The following USP1 variants were observed in gnomAD, a reference collection of about 807,000 sequenced individuals.
The protein encoded by USP1 is ubiquitin specific peptidase 1.
In USP1, 18 loss-of-function variants were observed where a neutral mutation model predicts 72.2. The observed-to-expected ratio is 0.25, with a 90% CI of 0.17 to 0.37. The LOEUF (loss-of-function observed/expected upper bound fraction) is 0.37. USP1 is among the 10% of genes least tolerant of loss of function. The pLI is 1.00. For synonymous variants in USP1, 354 were observed against 303.7 expected (o/e 1.17, Z -1.72); for missense variants, 759 against 884.9 (o/e 0.86, Z 1.81).
chr1:62,441,267 G>A (rs1323609910), intron 2 of USP1, among the ~76,000 whole-genome samples: 7 of 152,166 alleles, frequency 4.6e-5, no homozygotes, highest in African/African-American at 1.7e-4. Context: ...GAATTGTTCT[G>A]TGGCTTGTTA....
At chr1:62,443,675 A>T (rs1459372844) in intron 5 of USP1, among the ~76,000 whole-genome samples, 1 of 152,196 alleles carries the variant, frequency 6.6e-6, no homozygotes, top group African/African-American at 2.4e-5. Flanking sequence ...TGAATCTGAA[A>T]ATGTCTGAAT....
chr1:62,448,554 T>C lies in USP1; in HGVS notation c.1510T>C (p.Tyr504His). The change falls in exon 8 of 9, where the codon TAT (tyrosine) becomes CAT (histidine). Residue 504 changes from tyrosine (Y) to histidine (H), a missense_variant. This residue lies in a region of USP1 where 140 missense variants were observed against 222.8 expected (regional missense o/e 0.63). Transcript: ENST00000339950. The stretch of plus-strand genomic sequence containing the variant: ...AGAAAGGATTGTAGGAGAAGATAAA[T>C]ATTTCTGTGAAAACTGCCATCATTA... ...SVERIVGEDK[Y>H]FCENCHHYTE... The C allele has an allele frequency of 6.2e-7, 1 of 1,613,954 alleles. No individual in the cohort carries two copies. The highest frequency in any genetic ancestry group is 8.5e-7 in the Non-Finnish European group (1 of 1,179,926).
In USP1 at chr1:62,444,814, C is replaced by G. The variant is rs1430964534; in HGVS notation, c.634C>G (p.Gln212Glu). The change falls in exon 6 of 9, where the codon CAA becomes GAA. Residue 212 changes from glutamine to glutamate, a missense_variant. This residue lies in a region of USP1 where 245 missense variants were observed against 240.7 expected (regional missense o/e 1.02). Coordinates refer to ENST00000339950, the MANE Select transcript of USP1 (RefSeq NM_003368.5). ...ATTACAATGTATTTTGGGAAACATT[C>G]AAGAAACATGCCAACTCCTAAAAAA... is the stretch of plus-strand genomic sequence containing the variant. Reference protein sequence around the residue: ...EVLQCILGNIQETCQLLKKEE... With the variant: ...EVLQCILGNIEETCQLLKKEE... 6.2e-7 allele frequency: 1 copy of G among 1,613,166 alleles called. No individual in the cohort carries two copies. The highest frequency in any genetic ancestry group is 8.5e-7 in the Non-Finnish European group (1 of 1,179,684).
chr1:62,438,548 T>A (rs1645108728), intron 1 of USP1, among the ~76,000 whole-genome samples: 2 of 152,212 alleles, frequency 1.3e-5, no homozygotes, highest in African/African-American at 4.8e-5. Flanking sequence ...TCTTGTGTAG[T>A]TCATTTTATT....
At position 62,450,334 on chromosome 1, in the gene USP1, C is replaced by T. The variant is rs1179099518; in HGVS notation, c.1711C>T (p.Pro571Ser). 4 of 1,613,964 alleles carry T rather than the reference C, an allele frequency of 2.5e-6. No individual in the cohort carries two copies. Among genetic ancestry groups the T allele is most frequent in the Non-Finnish European group, 3.4e-6 (4 of 1,180,030 alleles). Reference protein sequence around the residue: ...KLSLEEWSTKPTNDSYGLFAV... With the variant: ...KLSLEEWSTKSTNDSYGLFAV... ...GTCACTAGAAGAATGGAGCACAAAGCCAACTAACGACAGCTATGGATTATT... is the reference window on the plus strand; with the variant it reads ...GTCACTAGAAGAATGGAGCACAAAGTCAACTAACGACAGCTATGGATTATT... The change falls in exon 9 of 9, where the codon CCA becomes TCA. Residue 571 changes from proline to serine, a missense_variant. This residue lies in a region of USP1 where 140 missense variants were observed against 222.8 expected (regional missense o/e 0.63). Transcript: ENST00000339950.
At chr1:62,448,322 G>C (rs1439826852) in intron 7 of USP1, 143 bp from the exon 8 acceptor site, 1 of 785,068 alleles carries the variant, frequency 1.3e-6, no homozygotes, top group East Asian at 2.7e-5. Context: ...TATGAAAGTA[G>C]TTTCTGAAAG....
chr1:62,443,640 T>C lies in USP1; in HGVS notation c.557+321T>C, dbSNP rs183843017. On this transcript the variant is annotated intron_variant, in intron 5 of 8. Coordinates refer to ENST00000339950, the MANE Select transcript of USP1 (RefSeq NM_003368.5). The stretch of plus-strand genomic sequence containing the variant: ...TCCCATATCAAGTCGGTGATAAATA[T>C]TTTACTTATATGCCATATAATCATT... Among the ~76,000 whole-genome samples, 19 of 152,342 alleles carry C rather than the reference T, an allele frequency of 1.2e-4. No individual in the cohort carries two copies. The East Asian group carries it at 2.5e-3, about 20-fold the overall frequency.
intron 1 of USP1, among the ~76,000 whole-genome samples, chr1:62,438,874 A>G (rs1160712076): frequency 1.3e-5 from 2 of 152,202 alleles, no homozygotes; most frequent in African/African-American, 2.4e-5. Flanking sequence ...TAAGAATTGG[A>G]TTTACACAAA....
chr1:62,449,927 G>GT (rs1645202062), intron 8 of USP1, among the ~76,000 whole-genome samples: 1 of 150,044 alleles, frequency 6.7e-6, no homozygotes, highest in East Asian at 1.9e-4. Context: ...AACCCAAAAC[G>GT]TAACATTTTT....
chr1:62,449,398 G>GT (rs1024502741), intron 8 of USP1, among the ~76,000 whole-genome samples: 5 of 152,056 alleles, frequency 3.3e-5, no homozygotes, highest in African/African-American at 1.2e-4. Context: ...TGGATAGTCT[G>GT]TTTTTTTCTG....
chr1:62,448,227 T>C (rs542648147), intron 7 of USP1, among the ~76,000 whole-genome samples: 1 of 152,358 alleles, frequency 6.6e-6, no homozygotes, highest in South Asian at 2.1e-4. Flanking sequence ...GTAAACAGAC[T>C]AGGCTTATTT....
At chr1:62,442,105 A>G (rs1241612385) in intron 3 of USP1, 90 bp from the exon 4 acceptor site, 1 of 901,594 alleles carries the variant, frequency 1.1e-6, no homozygotes, top group African/African-American at 1.7e-5. Context: ...TACATGTTAA[A>G]AGTGCTCTAT....
At position 62,450,397 on chromosome 1, in the gene USP1, G is replaced by A; in HGVS notation, c.1774G>A (p.Gly592Arg). Residue 592 changes from glycine to arginine, a missense_variant, in exon 9 of 9, where the codon GGG (glycine) becomes AGG (arginine). Around this residue, in one of 9 missense-constraint regions of USP1, gnomAD observed 140 missense variants for 222.8 expected, o/e 0.63. Transcript: ENST00000339950. ...GCATAGTGGCATTACAATTAGTAGT[G>A]GGCATTACACTGCTTCTGTTAAAGT... ...VMHSGITISS[G>R]HYTASVKVTD... is the part of the protein sequence containing the mutation. The A allele has an allele frequency of 6.2e-7, 1 of 1,614,048 alleles. No homozygotes were observed. Among genetic ancestry groups the A allele is most frequent in the Non-Finnish European group, 8.5e-7 (1 of 1,180,018 alleles).
At chr1:62,438,944 T>TA (rs1553144568) in intron 1 of USP1, among the ~76,000 whole-genome samples, 4 of 152,240 alleles carry the variant, frequency 2.6e-5, no homozygotes, top group Non-Finnish European at 5.9e-5. Context: ...ATCTTTCACT[T>TA]ACGGTTTTAG....
chr1:62,448,848 T>C (rs1005860631), intron 8 of USP1, among the ~76,000 whole-genome samples, 182 bp downstream of exon 8: 7 of 152,220 alleles, frequency 4.6e-5, no homozygotes, highest in African/African-American at 1.4e-4. Flanking sequence ...CTTAAATCCT[T>C]TTGATATGAA....
In USP1 at chr1:62,449,439, C is replaced by A. The variant is rs545799259; in HGVS notation, c.1622+773C>A. 3.3e-5 allele frequency among the ~76,000 whole-genome samples: 5 copies of A among 152,196 alleles called. No individual in the cohort carries two copies. The South Asian group carries it at 1.0e-3, about 32-fold the overall frequency. The stretch of plus-strand genomic sequence containing the variant: ...TGTAATGTCATTGTATGTGTGACTC[C>A]TTTGTACATTAGTTGCTTGTTTGAA... On this transcript the variant is annotated intron_variant, in intron 8 of 8. Coordinates refer to ENST00000339950, the MANE Select transcript of USP1 (RefSeq NM_003368.5).
intron 4 of USP1, 37 bp downstream of exon 4, chr1:62,442,336 CA>C: frequency 6.9e-7 from 1 of 1,447,778 alleles, no homozygotes; most frequent in South Asian, 1.3e-5. Context: ...ATGTAAAAAG[CA>C]AAAGTAAATT....
At chr1:62,444,200 A>G (rs1645153215) in intron 5 of USP1, among the ~76,000 whole-genome samples, 1 of 147,316 alleles carries the variant, frequency 6.8e-6, no homozygotes, top group South Asian at 2.2e-4. Context: ...CGGCGGTTGC[A>G]GTGAGCCAAG....
Position 62,444,789 on chromosome 1 carries a change from A to G in USP1, c.609A>G (p.Val203=). 1 of 1,612,594 alleles carries G rather than the reference A, an allele frequency of 6.2e-7. No individual in the cohort carries two copies. Among genetic ancestry groups the G allele is most frequent in the Non-Finnish European group, 8.5e-7 (1 of 1,179,406 alleles). ...EGYLQHDAQE[V]LQCILGNIQE... ...ATCTACAGCATGATGCACAGGAAGT[A>G]TTACAATGTATTTTGGGAAACATTC... The change falls in exon 6 of 9, where the codon GTA becomes GTG. Residue 203 remains valine (V), a synonymous_variant. Transcript: ENST00000339950.
Sources: gnomAD v4.1 joint callset for allele counts (sites outside exome capture counted in the v4.1 genomes callset) on GRCh38, gnomAD v4.1.1 for gene constraint, gnomAD v4.1.1 regional missense constraint, MANE v1.5 for transcripts, NCBI Gene and HGNC (gene_info 2026-07-23, HGNC 2026-07-21) for gene names.